APLF: variants seen among roughly 807,000 people sequenced by gnomAD.
APLF encodes aprataxin and PNK-like factor.
In APLF, 61 loss-of-function variants were observed where a neutral mutation model predicts 55.6. The observed-to-expected ratio is 1.10, with a 90% CI of 0.89 to 1.36. The LOEUF (loss-of-function observed/expected upper bound fraction) is 1.36, where lower values mean the gene tolerates loss of function less well. APLF is among the 40% of genes most tolerant of loss of function. APLF has a pLI of 0.00. For synonymous variants in APLF, 207 were observed against 214.8 expected (o/e 0.96, Z 0.32); for missense variants, 611 against 602.5 (o/e 1.01, Z -0.15).
Position 68,526,367 on chromosome 2 carries a change from A to G in APLF, c.804+125A>G, listed in dbSNP as rs1289531848. ...TTGTTGAGTTTATGAAGACAAAACT[A>G]GCCCAATTTTTTCAGACTTACTGAA... On this transcript the variant is annotated intron_variant, in intron 6 of 9. Coordinates refer to ENST00000303795, the MANE Select transcript of APLF (RefSeq NM_173545.3). The G allele has an allele frequency of 8.4e-6, 12 of 1,425,630 alleles. No homozygotes were observed. In the Admixed American group the frequency reaches 1.5e-4, roughly 18 times the overall value. 88.3% of individuals were successfully genotyped at this position (1,425,630 alleles called of 1,614,324 possible).
At chr2:68,476,165 T>G (rs1294586308) in intron 1 of APLF, among the ~76,000 whole-genome samples, 3 of 152,000 alleles carry the variant, frequency 2.0e-5, no homozygotes, top group Non-Finnish European at 4.4e-5. Context: ...TTTGTGTGTA[T>G]TATGCTCTTT....
rs747938617 is a variant in APLF, at chr2:68,537,895, A to G, written c.828A>G (p.Ala276=). The G allele has an allele frequency of 1.3e-6, 2 of 1,571,334 alleles. No homozygotes were observed. The highest frequency in any genetic ancestry group is 1.7e-6 in the Non-Finnish European group (2 of 1,161,804). Reference sequence around the variant, plus strand: ...AGGAAATGCCACAATCATTTTCTGCAATCACATTAAGTAACACAGAGATGA... The same window carrying G: ...AGGAAATGCCACAATCATTTTCTGCGATCACATTAAGTAACACAGAGATGA... ...SSKEMPQSFS[A]ITLSNTEMNN... Residue 276 remains alanine (A), a synonymous_variant, in exon 7 of 10, where the codon GCA becomes GCG. Coordinates refer to ENST00000303795, the MANE Select transcript of APLF (RefSeq NM_173545.3).
chr2:68,474,259 T>C (rs542185412), intron 1 of APLF, among the ~76,000 whole-genome samples: 3 of 152,228 alleles, frequency 2.0e-5, no homozygotes, highest in Non-Finnish European at 4.4e-5. Flanking sequence ...GTCATCGTTA[T>C]TTAGTCATGA....
chr2:68,527,393 G>GCTC (rs1221625859), intron 6 of APLF, among the ~76,000 whole-genome samples: 1 of 151,002 alleles, frequency 6.6e-6, no homozygotes, highest in African/African-American at 2.4e-5. Context: ...GGGCAAAGGT[G>GCTC]CTCCTCACTT....
chr2:68,528,928 A>G (rs1670162641), intron 6 of APLF: 3 of 1,521,196 alleles, frequency 2.0e-6, no homozygotes, highest in African/African-American at 1.4e-5. Flanking sequence ...CCCCATTGCT[A>G]CAGGGGCCCC....
intron 5 of APLF, among the ~76,000 whole-genome samples, chr2:68,518,437 TATATAATAATA>T (rs2103966062): frequency 8.8e-6 from 1 of 113,094 alleles, no homozygotes; most frequent in East Asian, 2.5e-4. Flanking sequence ...TATTATATAA[TATATAATAATA>T]TATTATATAT....
chr2:68,564,663 C>T (rs1671251136), intron 8 of APLF, among the ~76,000 whole-genome samples: 1 of 152,072 alleles, frequency 6.6e-6, no homozygotes, highest in Non-Finnish European at 1.5e-5. Flanking sequence ...CTCCCTTTTA[C>T]ATGTGGGAAA....
At chr2:68,562,322 G>A (rs1046970553) in intron 8 of APLF, among the ~76,000 whole-genome samples, 8 of 151,958 alleles carry the variant, frequency 5.3e-5, no homozygotes, top group African/African-American at 1.9e-4. Flanking sequence ...TGTTTTTGAA[G>A]GAAAAAGGTT....
chr2:68,485,084 T>G (rs1363481261), intron 1 of APLF, among the ~76,000 whole-genome samples: 1 of 152,108 alleles, frequency 6.6e-6, no homozygotes, highest in African/African-American at 2.4e-5. Context: ...ACAAGGACAT[T>G]TCTATATAGC....
In APLF at chr2:68,503,856, G is replaced by A. The variant is rs577527754; in HGVS notation, c.341+953G>A. ...GAAAAAAAGAAAGTAAGAACTAGAA[G>A]TCAGTGAAATAGAAAATGGCCAAAA... On this transcript the variant is annotated intron_variant, in intron 3 of 9. Coordinates refer to ENST00000303795, the MANE Select transcript of APLF (RefSeq NM_173545.3). 2.6e-5 allele frequency among the ~76,000 whole-genome samples: 4 copies of A among 152,098 alleles called. No individual in the cohort carries two copies. The Middle Eastern group carries it at 0.01, about 388-fold the overall frequency.
At chr2:68,527,577 G>C (rs1342598750) in intron 6 of APLF, among the ~76,000 whole-genome samples, 2 of 151,638 alleles carry the variant, frequency 1.3e-5, no homozygotes, top group East Asian at 3.9e-4. Flanking sequence ...TTCCCAGAGT[G>C]TAAGGGGGCC....
At chr2:68,515,688 C>A (rs978107702) in intron 5 of APLF, 2 of 983,258 alleles carry the variant, frequency 2.0e-6, no homozygotes, top group Non-Finnish European at 2.4e-6. Context: ...GTACAATGTA[C>A]TTAAAATGCT....
chr2:68,473,385 G>A (rs1346330971), intron 1 of APLF, among the ~76,000 whole-genome samples: 1 of 151,852 alleles, frequency 6.6e-6, no homozygotes, highest in Admixed American at 6.6e-5. Context: ...TTCCATTGTC[G>A]GTTTATCCAT....
chr2:68,468,225 C>A (rs1417937383), intron 1 of APLF, among the ~76,000 whole-genome samples: 1 of 152,124 alleles, frequency 6.6e-6, no homozygotes, highest in Non-Finnish European at 1.5e-5. Context: ...TCTTGTAAAG[C>A]CTAAAATATT....
chr2:68,508,453 A>T (rs1461372789), intron 3 of APLF, among the ~76,000 whole-genome samples: 1 of 151,920 alleles, frequency 6.6e-6, no homozygotes, highest in African/African-American at 2.4e-5. Context: ...ACCATATAAA[A>T]ATTAACTTAC....
At chr2:68,495,875 C>G (rs1294696515) in intron 2 of APLF, among the ~76,000 whole-genome samples, 1 of 152,194 alleles carries the variant, frequency 6.6e-6, no homozygotes, top group Admixed American at 6.5e-5. Flanking sequence ...GCAGCTCAAG[C>G]TGTATGTGGG....
intron 5 of APLF, among the ~76,000 whole-genome samples, chr2:68,520,561 T>G (rs2103973280): frequency 1.3e-5 from 2 of 152,054 alleles, no homozygotes; most frequent in East Asian, 3.9e-4. Context: ...GCACCATTTG[T>G]TGAATAGGGT....
At chr2:68,481,782 T>C (rs776712869) in intron 1 of APLF, among the ~76,000 whole-genome samples, 1 of 152,112 alleles carries the variant, frequency 6.6e-6, no homozygotes, top group Non-Finnish European at 1.5e-5. Flanking sequence ...ATTCAATCGG[T>C]TTTCTTCATT....
chr2:68,557,671 G>C (rs763691644), intron 8 of APLF, among the ~76,000 whole-genome samples: 2 of 152,154 alleles, frequency 1.3e-5, no homozygotes, highest in Non-Finnish European at 2.9e-5. Flanking sequence ...CAGCACTGTG[G>C]GAGGCTGAGG....
Sources: gnomAD v4.1 joint callset for allele counts (sites outside exome capture counted in the v4.1 genomes callset) on GRCh38, gnomAD v4.1.1 for gene constraint, MANE v1.5 for transcripts, NCBI Gene and HGNC (gene_info 2026-07-23, HGNC 2026-07-21) for gene names.